EPHB2: variants seen among roughly 807,000 people sequenced by gnomAD.
EPHB2 encodes the protein ephrin type-B receptor 2.
In EPHB2, 18 loss-of-function variants were observed where a neutral mutation model predicts 96.4. That is an observed-to-expected ratio of 0.19 (90% CI 0.13 to 0.28). The LOEUF is 0.28. Ranked by LOEUF, EPHB2 falls within the 10% of genes least tolerant of loss-of-function variation. The pLI is 1.00. For missense variants in EPHB2, 989 were observed against 1,355.4 expected (o/e 0.73, Z 4.25); for synonymous variants, 506 against 534.1 (o/e 0.95, Z 0.72).
chr1:22,724,794 A>G (rs1643546249), intron 1 of EPHB2, among the ~76,000 whole-genome samples: 1 of 152,092 alleles, frequency 6.6e-6, no homozygotes, highest in African/African-American at 2.4e-5. Context: ...AGTCCGGTGG[A>G]CTTGGAAAAA....
chr1:22,760,225 G>A (rs774984474), intron 1 of EPHB2, among the ~76,000 whole-genome samples: 5 of 151,786 alleles, frequency 3.3e-5, no homozygotes, highest in Non-Finnish European at 7.4e-5. Context: ...TTATCTCCCC[G>A]CATGGAGGAT....
rs190577512 is a variant in EPHB2 at position 22,744,186 on chromosome 1, C to T, written c.61+33143C>T. ...ATCAGTCATATAACCCCCCCACCCC[C>T]GTGGAAAACAGTTTAGCTGTTTCTA... On this transcript the variant is annotated intron_variant, in intron 1 of 15. Coordinates refer to ENST00000374630, the MANE Select transcript of EPHB2 (RefSeq NM_017449.5). 8.1e-4 allele frequency among the ~76,000 whole-genome samples: 123 copies of T among 151,852 alleles called. 1 individual carries two copies. Among genetic ancestry groups the T allele is most frequent in the African/African-American group, 2.6e-3 (106 of 41,376 alleles).
intron 3 of EPHB2, among the ~76,000 whole-genome samples, chr1:22,835,243 G>A (rs1446815856): frequency 2.0e-5 from 3 of 152,088 alleles, no homozygotes; most frequent in Admixed American, 6.5e-5. Context: ...AGCTGGGCAT[G>A]GTGGCATGTG....
intron 6 of EPHB2, among the ~76,000 whole-genome samples, chr1:22,891,994 G>T (rs1639406807): frequency 6.7e-6 from 1 of 149,608 alleles, no homozygotes; most frequent in African/African-American, 2.5e-5. Flanking sequence ...AAAGGGTCTT[G>T]GTATGTTGCC....
chr1:22,757,397 A>G (rs916835064), intron 1 of EPHB2, among the ~76,000 whole-genome samples: 12 of 152,198 alleles, frequency 7.9e-5, no homozygotes, highest in Non-Finnish European at 1.6e-4. Flanking sequence ...CAATTAGATT[A>G]GATGGGAAGG....
chr1:22,758,556 G>T (rs1190828856), intron 1 of EPHB2, among the ~76,000 whole-genome samples: 1 of 152,108 alleles, frequency 6.6e-6, no homozygotes, highest in Non-Finnish European at 1.5e-5. Context: ...ACACCATGCT[G>T]CCCTTGTGCC....
intron 1 of EPHB2, among the ~76,000 whole-genome samples, chr1:22,711,974 A>G (rs892437641): frequency 1.3e-5 from 2 of 152,238 alleles, no homozygotes; most frequent in African/African-American, 4.8e-5. Flanking sequence ...CCGAGCTTGC[A>G]GGGCAAGAAG....
At chr1:22,841,819 G>T (rs568549966) in intron 3 of EPHB2, among the ~76,000 whole-genome samples, 121 of 152,296 alleles carry the variant, frequency 7.9e-4, no homozygotes, top group Non-Finnish European at 1.6e-3. Context: ...TGGGATGAAG[G>T]CCTGCTGTCT....
chr1:22,857,798 A>G (rs1645723672), intron 3 of EPHB2, among the ~76,000 whole-genome samples: 1 of 152,108 alleles, frequency 6.6e-6, no homozygotes, highest in African/African-American at 2.4e-5. Context: ...ACCTTGTAAG[A>G]GGCACATTGA....
chr1:22,918,022 T>A lies in EPHB2; in HGVS notation c.*4452T>A, dbSNP rs1427340338. On this transcript the variant is annotated 3_prime_UTR_variant, in exon 16 of 16. Coordinates refer to ENST00000374630, the MANE Select transcript of EPHB2 (RefSeq NM_017449.5). The surrounding 1 kb of genome is among the most constrained non-coding windows in gnomAD (Gnocchi z 4.2). Reference sequence around the variant, plus strand: ...GATATAAGTGGAGGTTGAGGCAGTTTAGGCGTGATGTACAGTCCAGCCACA... The same window carrying A: ...GATATAAGTGGAGGTTGAGGCAGTTAAGGCGTGATGTACAGTCCAGCCACA... The A allele has an allele frequency of 1.3e-5, 2 of 152,404 alleles. No individual in the cohort carries two copies. The highest frequency in any genetic ancestry group is 4.8e-5 in the African/African-American group (2 of 41,432). The allele number at this position is 152,404 out of a possible 1,614,324, so 9.4% of individuals were successfully genotyped here. A position where few individuals can be genotyped will look rare whatever the true frequency, so the allele number is the denominator to read the frequency against.
chr1:22,808,406 G>T (rs1644957550), intron 3 of EPHB2, among the ~76,000 whole-genome samples: 1 of 152,220 alleles, frequency 6.6e-6, no homozygotes, highest in Non-Finnish European at 1.5e-5. Context: ...ATGATGGCAA[G>T]TGAGAGGCCC....
chr1:22,852,637 T>A (rs1009326617), intron 3 of EPHB2, among the ~76,000 whole-genome samples: 79 of 152,142 alleles, frequency 5.2e-4, no homozygotes, highest in African/African-American at 1.8e-3. Context: ...TGAAACACCC[T>A]CACCAGCTCA....
rs1412655218 is a variant in EPHB2 at position 22,846,727 on chromosome 1, C to T, written c.812-16310C>T. On this transcript the variant is annotated intron_variant, in intron 3 of 15. Coordinates refer to ENST00000374630, the MANE Select transcript of EPHB2 (RefSeq NM_017449.5). The surrounding 1 kb of genome is among the most constrained non-coding windows in gnomAD (Gnocchi z 4.3). ...CGCCCACGCTGCTCCCTCAGCCTCG[C>T]ATGCTTCTCCTTTCTTGCTTTTGTC... 6.6e-6 allele frequency among the ~76,000 whole-genome samples: 1 copy of T among 152,222 alleles called. No homozygotes were observed. Among genetic ancestry groups the T allele is most frequent in the Non-Finnish European group, 1.5e-5 (1 of 68,036 alleles).
intron 3 of EPHB2, among the ~76,000 whole-genome samples, chr1:22,810,414 G>A (rs951215199): frequency 3.3e-5 from 5 of 152,180 alleles, no homozygotes; most frequent in African/African-American, 9.7e-5. Context: ...CCCTCCAGGA[G>A]CTTCACATCC....
chr1:22,893,925 T>G (rs74061069), intron 7 of EPHB2, among the ~76,000 whole-genome samples: 2,246 of 152,338 alleles, frequency 0.015, 59 homozygotes, highest in African/African-American at 0.05. Flanking sequence ...CTGACCAGAT[T>G]CCAGCATCCT....
At chr1:22,863,625 G>A (rs1638356499) in intron 4 of EPHB2, among the ~76,000 whole-genome samples, 1 of 152,208 alleles carries the variant, frequency 6.6e-6, no homozygotes, top group African/African-American at 2.4e-5. Context: ...TGTCAGGGAT[G>A]GCATTCAGCT....
rs1364160251 is a variant in EPHB2 at position 22,781,334 on chromosome 1, A to AAAG, written c.62-77_62-75dup. 7 of 1,264,674 alleles carry AAAG rather than the reference A, an allele frequency of 5.5e-6. No individual in the cohort carries two copies. The East Asian group carries it at 7.6e-5, about 14-fold the overall frequency. The allele number at this position is 1,264,674 out of a possible 1,614,324, so 78.3% of individuals were successfully genotyped here. A position where few individuals can be genotyped will look rare whatever the true frequency, so the allele number is the denominator to read the frequency against. On this transcript the variant is annotated intron_variant, in intron 1 of 15. Coordinates refer to ENST00000374630, the MANE Select transcript of EPHB2 (RefSeq NM_017449.5). ...GACTCCGTCTAAAAAAAAAAAAAAA[A>AAAG]AAGAAGAAGAAGGATGAGGGCCCAA... is the stretch of plus-strand genomic sequence containing the variant.
At chr1:22,849,215 T>C (rs1645587970) in intron 3 of EPHB2, among the ~76,000 whole-genome samples, 1 of 152,198 alleles carries the variant, frequency 6.6e-6, no homozygotes, top group African/African-American at 2.4e-5. Context: ...AGCTGAATGC[T>C]CTTCTCCTCA....
intron 3 of EPHB2, among the ~76,000 whole-genome samples, chr1:22,862,392 C>T (rs1638292300): frequency 6.6e-6 from 1 of 152,214 alleles, no homozygotes; most frequent in South Asian, 2.1e-4. Flanking sequence ...ATGGGCCTTA[C>T]GCTTAAGCAG....
Sources: allele counts gnomAD v4.1 joint callset (sites outside exome capture counted in the v4.1 genomes callset), GRCh38; gene constraint gnomAD v4.1.1; non-coding constraint Gnocchi (gnomAD v3.1); transcripts MANE v1.5; gene names NCBI Gene and HGNC (gene_info 2026-07-23, HGNC 2026-07-21).